GFY: variants seen among roughly 807,000 people sequenced by gnomAD.
GFY encodes Golgi-associated olfactory signaling regulator.
In GFY, 28 loss-of-function variants were observed where a neutral mutation model predicts 29.1. That is an observed-to-expected ratio of 0.96 (90% CI 0.71 to 1.32). GFY has a LOEUF of 1.32. Ranked by LOEUF, GFY falls within the 40% of genes most tolerant of loss-of-function variation. The pLI, the probability that GFY is intolerant of heterozygous loss-of-function variation, is 0.00. For missense variants in GFY, 656 were observed against 661.9 expected (o/e 0.99, Z 0.10); for synonymous variants, 277 against 274.5 (o/e 1.01, Z -0.09).
chr19:49,427,960 G>A lies in GFY; in HGVS notation c.1198G>A (p.Gly400Arg), dbSNP rs1407723444. The A allele has an allele frequency of 6.5e-7, 1 of 1,534,644 alleles. No individual in the cohort carries two copies. The highest frequency in any genetic ancestry group is 1.7e-4 in the Middle Eastern group (1 of 5,912). Residue 400 changes from glycine to arginine, a missense_variant, in exon 3 of 4, where the codon GGG becomes AGG. Physicochemically the swap from Gly to Arg is moderately radical, Grantham distance 125 (BLOSUM62 -2). Coordinates refer to ENST00000610896, the MANE Select transcript of GFY (RefSeq NM_001195256.2). ...RVKETGVTLV[G>R]RPRGAAGGAL... ...TCCCCCTTCAGGCGTGACTCTGGTGGGGCGACCACGTGGCGCAGCAGGCGG... is the reference window on the plus strand; with the variant it reads ...TCCCCCTTCAGGCGTGACTCTGGTGAGGCGACCACGTGGCGCAGCAGGCGG...
chr19:49,426,316 T>G (rs1975071091), intron 1 of GFY, 94 bp from the exon 2 acceptor site: 2 of 1,437,358 alleles, frequency 1.4e-6, no homozygotes, highest in Non-Finnish European at 1.8e-6. Flanking sequence ...ACAGACGTGG[T>G]CCACCTGTGT....
chr19:49,427,202 CA>C lies in GFY; in HGVS notation c.775del (p.Thr259GlnfsTer41). 1 of 1,536,004 alleles carries C rather than the reference CA, an allele frequency of 6.5e-7. No individual in the cohort carries two copies. On this transcript the variant is annotated frameshift_variant, in exon 2 of 4. Transcript: ENST00000610896. LOFTEE classifies it high-confidence loss of function. ...THNPSPTEIS[Q>X]TEFPTTYYQN... Reference sequence around the variant, plus strand: ...CAATCCCAGCCCCACCGAAATTTCCCAAACAGAATTCCCCACAACCTACTAC... The same window carrying C: ...CAATCCCAGCCCCACCGAAATTTCCCAACAGAATTCCCCACAACCTACTAC...
upstream of GFY, chr19:49,423,999 A>T (rs1032038409): frequency 9.2e-5 from 14 of 152,332 alleles, no homozygotes; most frequent in African/African-American, 3.4e-4. Context: ...AGAGGCCCAG[A>T]AAGATCGAGG....
chr19:49,427,024 C>G lies in GFY; in HGVS notation c.594C>G (p.Pro198=), dbSNP rs946226734. 10 of 1,535,632 alleles carry G rather than the reference C, an allele frequency of 6.5e-6. No individual in the cohort carries two copies. The African/African-American group carries it at 8.2e-5, about 13-fold the overall frequency. Residue 198 remains proline, a synonymous_variant, in exon 2 of 4, where the codon CCC becomes CCG. Transcript: ENST00000610896. ...CTGAAGTCTCACAGGCAGAACTCCC[C>G]GAGACCTCAAACACTAACCCTACCA... The part of the protein sequence containing the change: ...NATEVSQAEL[P]ETSNTNPTKT...
chr19:49,425,681 T>A (rs996492409), intron 1 of GFY, among the ~76,000 whole-genome samples, 192 bp downstream of exon 1: 4 of 152,088 alleles, frequency 2.6e-5, no homozygotes, highest in Admixed American at 2.0e-4. Flanking sequence ...ACCCCTCTAC[T>A]CTGCAGAGCC....
upstream of GFY, among the ~76,000 whole-genome samples, chr19:49,424,307 A>G (rs973188252): frequency 2.0e-5 from 3 of 152,192 alleles, no homozygotes; most frequent in African/African-American, 7.2e-5. Flanking sequence ...CAATGGCACT[A>G]TCTCGGCTCA....
In GFY at chr19:49,427,938, C is replaced by G; in HGVS notation, c.1184-8C>G. The G allele has an allele frequency of 1.3e-6, 2 of 1,527,972 alleles. No individual in the cohort carries two copies. The highest frequency in any genetic ancestry group is 2.0e-5 in the Admixed American group (1 of 50,846). 94.7% of individuals were successfully genotyped at this position (1,527,972 alleles called of 1,614,324 possible). On this transcript the variant is annotated splice_polypyrimidine_tract_variant and splice_region_variant and intron_variant, in intron 2 of 3. Coordinates refer to ENST00000610896, the MANE Select transcript of GFY (RefSeq NM_001195256.2). ...TTAGGAGCTTAGATTGCTGGTATCCCCCTTCAGGCGTGACTCTGGTGGGGC... is the reference window on the plus strand; with the variant it reads ...TTAGGAGCTTAGATTGCTGGTATCCGCCTTCAGGCGTGACTCTGGTGGGGC...
chr19:49,426,289 G>A lies in GFY; in HGVS notation c.-21-121G>A, dbSNP rs192973740. On this transcript the variant is annotated intron_variant, in intron 1 of 3. Coordinates refer to ENST00000610896, the MANE Select transcript of GFY (RefSeq NM_001195256.2). Reference sequence around the variant, plus strand: ...ATTGGGTTCTCTTCCCATCCCTGGCGCCAAGCTGGGCCCCGGACAGACGTG... The same window carrying A: ...ATTGGGTTCTCTTCCCATCCCTGGCACCAAGCTGGGCCCCGGACAGACGTG... 43 of 1,411,556 alleles carry A rather than the reference G, an allele frequency of 3.0e-5. No individual in the cohort carries two copies. In the Admixed American group the frequency reaches 9.9e-4, roughly 33 times the overall value. 87.4% of individuals were successfully genotyped at this position (1,411,556 alleles called of 1,614,324 possible). A position where few individuals can be genotyped will look rare whatever the true frequency, so the allele number is the denominator to read the frequency against.
Position 49,426,546 on chromosome 19 carries a change from C to T in GFY, c.116C>T (p.Pro39Leu), listed in dbSNP as rs1975074407. The stretch of plus-strand genomic sequence containing the variant: ...TGTGGCTTTCCGGACATGGCCCACC[C>T]CTCTGAGACTTCCCCTCTGAAGGGT... ...LGCGFPDMAH[P>L]SETSPLKGAS... Residue 39 changes from proline (P) to leucine (L), a missense_variant, in exon 2 of 4, where the codon CCC (proline) becomes CTC (leucine). Pro to Leu is a moderately conservative substitution (Grantham distance 98). Transcript: ENST00000610896. 5.9e-6 allele frequency: 9 copies of T among 1,536,036 alleles called. No individual in the cohort carries two copies. Among genetic ancestry groups the T allele is most frequent in the Non-Finnish European group, 7.8e-6 (9 of 1,146,926 alleles).
At chr19:49,424,957 T>A (rs999436020), upstream of GFY, among the ~76,000 whole-genome samples, 1 of 151,962 alleles carries the variant, frequency 6.6e-6, no homozygotes, top group Non-Finnish European at 1.5e-5. Context: ...CCTAGTTTCC[T>A]AGGAAGGTGG....
intron 1 of GFY, 27 bp from the exon 2 acceptor site, chr19:49,426,383 C>T (rs374506724): frequency 6.8e-7 from 1 of 1,473,242 alleles, no homozygotes. Flanking sequence ...TCGGCCTTAA[C>T]CCCTTCCTTC....
At chr19:49,424,172 TATC>T (rs931349776), upstream of GFY, among the ~76,000 whole-genome samples, 1 of 152,122 alleles carries the variant, frequency 6.6e-6, no homozygotes, top group African/African-American at 2.4e-5. Flanking sequence ...TCTAAGCCCT[TATC>T]TGGGAGGAGT....
In GFY at chr19:49,427,389, A is replaced by C; in HGVS notation, c.959A>C (p.Lys320Thr). Reference sequence around the variant, plus strand: ...GCAGCCATCCAGCCCGACTCCCCAAAATTGCCCACTTCAGATTCTCCAGGA... The same window carrying C: ...GCAGCCATCCAGCCCGACTCCCCAACATTGCCCACTTCAGATTCTCCAGGA... Reference protein sequence around the residue: ...TPAAIQPDSPKLPTSDSPGMV... With the variant: ...TPAAIQPDSPTLPTSDSPGMV... The change falls in exon 2 of 4, where the codon AAA becomes ACA. Residue 320 changes from lysine (K) to threonine (T), a missense_variant. Physicochemically the swap from Lys to Thr is moderately conservative, Grantham distance 78 (BLOSUM62 -1). Coordinates refer to ENST00000610896, the MANE Select transcript of GFY (RefSeq NM_001195256.2). 2 of 1,536,010 alleles carry C rather than the reference A, an allele frequency of 1.3e-6. No individual in the cohort carries two copies. The highest frequency in any genetic ancestry group is 1.2e-5 in the South Asian group (1 of 84,050).
At chr19:49,428,243 A>G (rs1021509873) in intron 3 of GFY, 124 bp downstream of exon 3, 2 of 1,211,272 alleles carry the variant, frequency 1.7e-6, no homozygotes, top group Non-Finnish European at 1.1e-6. Context: ...TGGCTCTTCC[A>G]TGGCAACGTC....
At chr19:49,426,065 G>T (rs1204013575) in intron 1 of GFY, among the ~76,000 whole-genome samples, 1 of 152,180 alleles carries the variant, frequency 6.6e-6, no homozygotes, top group East Asian at 1.9e-4. Flanking sequence ...GAGATCCCAC[G>T]TCCCCTCGAA....
At chr19:49,428,351 C>T (rs986533981) in intron 3 of GFY, among the ~76,000 whole-genome samples, 12 of 152,188 alleles carry the variant, frequency 7.9e-5, no homozygotes, top group African/African-American at 2.7e-4. Flanking sequence ...TCCCCGCCAG[C>T]CCCGCCCCTG....
In GFY at chr19:49,428,018, T is replaced by C; in HGVS notation, c.1256T>C (p.Leu419Pro). The stretch of plus-strand genomic sequence containing the variant: ...TGCCTGTTCTTCGCGGGGACCGCGC[T>C]GCTGATCGGCATCTTTGTGCTGCTG... ...ALCLFFAGTA[L>P]LIGIFVLLWC... The change falls in exon 3 of 4, where the codon CTG (leucine) becomes CCG (proline). Residue 419 changes from leucine to proline, a missense_variant. Transcript: ENST00000610896. The C allele has an allele frequency of 6.5e-7, 1 of 1,536,022 alleles. No homozygotes were observed. The highest frequency in any genetic ancestry group is 8.7e-7 in the Non-Finnish European group (1 of 1,146,772).
chr19:49,426,237 G>A (rs1397116044), intron 1 of GFY, among the ~76,000 whole-genome samples, 173 bp from the exon 2 acceptor site: 1 of 152,146 alleles, frequency 6.6e-6, no homozygotes, highest in African/African-American at 2.4e-5. Flanking sequence ...CTGGGCCATC[G>A]CCCCACAAGC....
upstream of GFY, chr19:49,423,815 G>C (rs922341320): frequency 6.3e-6 from 1 of 159,150 alleles, no homozygotes. Flanking sequence ...AGAAAGAATG[G>C]GAACGACAGA....
Sources: allele counts gnomAD v4.1 joint callset (sites outside exome capture counted in the v4.1 genomes callset), GRCh38; gene constraint gnomAD v4.1.1; transcripts MANE v1.5; gene names NCBI Gene and HGNC (gene_info 2026-07-23, HGNC 2026-07-21).